Variants in RALGPS1 observed in about 807,000 individuals in gnomAD.
The protein encoded by RALGPS1 is ras-specific guanine nucleotide-releasing factor RalGPS1.
In RALGPS1, 19 loss-of-function variants were observed where a neutral mutation model predicts 78.8. The observed-to-expected ratio is 0.24, with a 90% CI of 0.17 to 0.35. RALGPS1 has a LOEUF of 0.35. Among genes scored for constraint, RALGPS1 ranks in the 10% least tolerant of loss-of-function variants. The pLI is 1.00. For synonymous variants in RALGPS1, 228 were observed against 256.3 expected, an observed-to-expected ratio of 0.89 and a Z score of 1.06; for missense variants, 454 against 688.3, an observed-to-expected ratio of 0.66 and a Z score of 3.81.
At chr9:127,178,976 C>T (rs974475920) in intron 11 of RALGPS1, among the ~76,000 whole-genome samples, 3 of 152,216 alleles carry the variant, frequency 2.0e-5, no homozygotes, top group African/African-American at 7.2e-5. Flanking sequence ...TCTAGAATTC[C>T]TAGAGCCCAG....
At chr9:127,052,786 A>T in intron 6 of RALGPS1, 61 bp from the exon 7 acceptor site, 1 of 1,026,386 alleles carries the variant, frequency 9.7e-7, no homozygotes, top group Non-Finnish European at 1.5e-6. Context: ...GTAACACTTG[A>T]GCATGTTTTT....
intron 5 of RALGPS1, among the ~76,000 whole-genome samples, chr9:127,047,295 T>C (rs2047888088): frequency 6.6e-6 from 1 of 152,190 alleles, no homozygotes; most frequent in Admixed American, 6.5e-5. Flanking sequence ...TATGATGAAA[T>C]ACTTGGAAGC....
At chr9:127,135,206 G>A (rs1016498253) in intron 8 of RALGPS1, among the ~76,000 whole-genome samples, 5 of 152,220 alleles carry the variant, frequency 3.3e-5, no homozygotes, top group African/African-American at 4.8e-5. Flanking sequence ...ATAGAAACTG[G>A]TGGCTGTTTC....
intron 4 of RALGPS1, among the ~76,000 whole-genome samples, chr9:126,979,619 C>A (rs1564353964): frequency 6.6e-6 from 1 of 152,198 alleles, no homozygotes; most frequent in Non-Finnish European, 1.5e-5. Flanking sequence ...GGGATCCTTG[C>A]CAGGCTGCTG....
chr9:127,007,338 C>T (rs1435635817), intron 4 of RALGPS1, among the ~76,000 whole-genome samples: 1 of 152,190 alleles, frequency 6.6e-6, no homozygotes, highest in Non-Finnish European at 1.5e-5. Flanking sequence ...CCTTCTATGA[C>T]TGGGTGCTTC....
intron 1 of RALGPS1, among the ~76,000 whole-genome samples, chr9:126,951,754 T>G (rs1175512582): frequency 4.6e-5 from 7 of 152,206 alleles, no homozygotes; most frequent in East Asian, 1.9e-4. Context: ...CTTTGAAAAC[T>G]GGCACAAGAC....
chr9:127,008,720 G>A (rs2044084603), intron 4 of RALGPS1, among the ~76,000 whole-genome samples: 1 of 152,086 alleles, frequency 6.6e-6, no homozygotes, highest in Non-Finnish European at 1.5e-5. Flanking sequence ...TGTAAATCTG[G>A]GCTTAACATC....
chr9:127,196,716 A>G lies in RALGPS1; in HGVS notation c.1195+85A>G. The G allele has an allele frequency of 4.2e-6, 6 of 1,421,492 alleles. No individual in the cohort carries two copies. In the South Asian group the frequency reaches 4.3e-5, roughly 10 times the overall value. The allele number at this position is 1,421,492 out of a possible 1,614,324, so 88.1% of individuals were successfully genotyped here. ...GTGTCTGTCTCTGTGTCACTGTGCC[A>G]TGCCCAGTGGCGCTATCATTCTTGG... On this transcript the variant is annotated intron_variant, in intron 13 of 18. Transcript: ENST00000259351.
chr9:127,211,713 G>A lies in RALGPS1; in HGVS notation c.1248-418G>A, dbSNP rs1326737780. On this transcript the variant is annotated intron_variant, in intron 14 of 18. Coordinates refer to ENST00000259351, the MANE Select transcript of RALGPS1 (RefSeq NM_014636.3). The surrounding 1 kb of genome is among the most constrained non-coding windows in gnomAD (Gnocchi z 5.0). ...CTCCACACCACCTCTTCCCTTCCTC[G>A]CTGCTCTCTGAGGCTCCTGCCAACA... 6.6e-6 allele frequency among the ~76,000 whole-genome samples: 1 copy of A among 152,104 alleles called. No homozygotes were observed. The highest frequency in any genetic ancestry group is 1.5e-5 in the Non-Finnish European group (1 of 68,010).
At position 127,211,990 on chromosome 9, in the gene RALGPS1, C is replaced by T. The variant is rs925144566; in HGVS notation, c.1248-141C>T. ...TGCGTTATCACCTGGCCCTCCCCTC[C>T]GGGCCTTGCTCTGCGCCGTTAAGTC... On this transcript the variant is annotated intron_variant, in intron 14 of 18. Transcript: ENST00000259351. This position sits in a 1 kb window ranked among gnomAD's most constrained non-coding sequence, Gnocchi z 5.0. 14 of 627,332 alleles carry T rather than the reference C, an allele frequency of 2.2e-5. No individual in the cohort carries two copies. Among genetic ancestry groups the T allele is most frequent in the East Asian group, 8.7e-5 (3 of 34,292 alleles). The allele number at this position is 627,332 out of a possible 1,614,324, so 38.9% of individuals were successfully genotyped here. A position where few individuals can be genotyped will look rare whatever the true frequency, so the allele number is the denominator to read the frequency against.
chr9:127,031,227 C>A (rs1299186440), intron 4 of RALGPS1, among the ~76,000 whole-genome samples: 1 of 152,246 alleles, frequency 6.6e-6, no homozygotes, highest in Non-Finnish European at 1.5e-5. Flanking sequence ...ACAGTGTGGA[C>A]CTTTTTTAGG....
intron 8 of RALGPS1, among the ~76,000 whole-genome samples, chr9:127,077,359 A>G (rs1247537870): frequency 6.6e-6 from 1 of 152,220 alleles, no homozygotes; most frequent in East Asian, 1.9e-4. Context: ...CAGTTGTCAG[A>G]GAGTATATCC....
At chr9:126,959,703 T>C (rs897396535) in intron 1 of RALGPS1, among the ~76,000 whole-genome samples, 3 of 152,180 alleles carry the variant, frequency 2.0e-5, no homozygotes, top group Non-Finnish European at 4.4e-5. Context: ...GCCATCGTTA[T>C]CATGCTGGCA....
At chr9:126,923,057 G>A (rs1448724951) in intron 1 of RALGPS1, among the ~76,000 whole-genome samples, 1 of 152,200 alleles carries the variant, frequency 6.6e-6, no homozygotes, top group Non-Finnish European at 1.5e-5. Context: ...CCGGCCTGTA[G>A]TAGATGCTCC....
At chr9:127,193,740 G>A (rs1044260907) in intron 11 of RALGPS1, among the ~76,000 whole-genome samples, 5 of 152,238 alleles carry the variant, frequency 3.3e-5, no homozygotes, top group African/African-American at 7.2e-5. Context: ...GGCCTTATGG[G>A]TCCCCCCAAG....
chr9:126,951,764 C>T (rs1202126826), intron 1 of RALGPS1, among the ~76,000 whole-genome samples: 3 of 152,180 alleles, frequency 2.0e-5, no homozygotes, highest in South Asian at 2.1e-4. Context: ...TGGCACAAGA[C>T]AGTGATGCCC....
At chr9:126,984,226 C>T (rs996149273) in intron 4 of RALGPS1, among the ~76,000 whole-genome samples, 4 of 152,168 alleles carry the variant, frequency 2.6e-5, no homozygotes, top group Non-Finnish European at 4.4e-5. Context: ...GCCTCAGCCT[C>T]CTGAGAATCT....
rs1434230070 is a variant in RALGPS1, at chr9:127,183,217, G to C, written c.910+8435G>C. Among the ~76,000 whole-genome samples, 1 of 152,176 alleles carries C rather than the reference G, an allele frequency of 6.6e-6. No individual in the cohort carries two copies. The highest frequency in any genetic ancestry group is 1.5e-5 in the Non-Finnish European group (1 of 68,026). ...GAATCACATTTCAACATGACATTTG[G>C]AGGGGCAAACCATTTCACAGGGCCT... On this transcript the variant is annotated intron_variant, in intron 11 of 18. Transcript: ENST00000259351. The surrounding 1 kb of genome is among the most constrained non-coding windows in gnomAD (Gnocchi z 4.0).
Position 127,222,878 on chromosome 9 carries a change from T to C in RALGPS1, c.*4109T>C, listed in dbSNP as rs1442212871. 1 of 152,624 alleles carries C rather than the reference T, an allele frequency of 6.6e-6. No homozygotes were observed. Among genetic ancestry groups the C allele is most frequent in the African/African-American group, 2.4e-5 (1 of 41,466 alleles). 9.5% of individuals were successfully genotyped at this position (152,624 alleles called of 1,614,324 possible). ...ACATTTTAATTCGTTTCCTGTTAAA[T>C]CTGTTGCACTCTCCTGGGCTGTCTT... On this transcript the variant is annotated 3_prime_UTR_variant, in exon 19 of 19. Coordinates refer to ENST00000259351, the MANE Select transcript of RALGPS1 (RefSeq NM_014636.3).
Sources: allele counts gnomAD v4.1 joint callset (sites outside exome capture counted in the v4.1 genomes callset), GRCh38; gene constraint gnomAD v4.1.1; non-coding constraint Gnocchi (gnomAD v3.1); transcripts MANE v1.5; gene names NCBI Gene and HGNC (gene_info 2026-07-23, HGNC 2026-07-21).